The following ALOXE3 variants were observed in gnomAD, a reference collection of about 807,000 sequenced individuals.
The protein encoded by ALOXE3 is arachidonate epidermal lipoxygenase 3, also known as hydroperoxide isomerase ALOXE3.
In ALOXE3, 78 loss-of-function variants were observed where a neutral mutation model predicts 87.5. That is an observed-to-expected ratio of 0.89 (90% confidence interval 0.74 to 1.08). The LOEUF is 1.08. Ranked by LOEUF, ALOXE3 falls within the 50% of genes least tolerant of loss-of-function variation. The pLI, the probability that ALOXE3 is intolerant of heterozygous loss-of-function variation, is 0.00. For missense variants in ALOXE3, 946 were observed against 912.4 expected, an observed-to-expected ratio of 1.04 and a Z score of -0.47; for synonymous variants, 363 against 370.8, an observed-to-expected ratio of 0.98 and a Z score of 0.24.
intron 15 of ALOXE3, among the ~76,000 whole-genome samples, chr17:8,098,263 G>T (rs1483809385): frequency 8.9e-6 from 1 of 112,682 alleles, no homozygotes; most frequent in Non-Finnish European, 1.8e-5. Context: ...TTTTGAGACG[G>T]AGTCTCGCTC....
intron 15 of ALOXE3, among the ~76,000 whole-genome samples, chr17:8,102,061 A>G (rs1450550271): frequency 6.6e-6 from 1 of 152,234 alleles, no homozygotes; most frequent in Non-Finnish European, 1.5e-5. Context: ...CCAGTGATAA[A>G]GGGCTACTTG....
Position 8,096,671 on chromosome 17 carries a change from T to C in ALOXE3, c.2092A>G (p.Thr698Ala). Residue 698 changes from threonine (T) to alanine (A), a missense_variant, in exon 16 of 16, where the codon ACC becomes GCC. Transcript: ENST00000448843. ...TCAATGAGGGGAGGGTCCAGGTAGG[T>C]GTAGGGCAGTGCCAGACCCTGGTTC... is the stretch of plus-strand genomic sequence containing the variant. ...ERNQGLALPY[T>A]YLDPPLIENS... The C allele has an allele frequency of 6.5e-7, 1 of 1,535,500 alleles. No individual in the cohort carries two copies. The highest frequency in any genetic ancestry group is 9.0e-7 in the Non-Finnish European group (1 of 1,108,514).
rs113030871 is a variant in ALOXE3, at chr17:8,115,018, G to A, written c.474C>T (p.Asp158=). 1.4e-3 allele frequency: 2,259 copies of A among 1,614,090 alleles called. 4 individuals carry two copies. The highest frequency in any genetic ancestry group is 1.8e-3 in the Non-Finnish European group (2,106 of 1,179,984). Residue 158 remains aspartate (D), a synonymous_variant, in exon 5 of 16, where the codon GAC becomes GAT. Transcript: ENST00000448843. The part of the protein sequence containing the change: ...IYAPGFPCMV[D]VNSFQEMESD... ...ACTCCATCTCCTGAAAGCTGTTGAC[G>A]TCTACCATGCAGGGGAAGCCAGGGG...
At chr17:8,108,364 T>G in intron 13 of ALOXE3, 104 bp downstream of exon 13, 1 of 1,498,030 alleles carries the variant, frequency 6.7e-7, no homozygotes, top group Non-Finnish European at 9.0e-7. Context: ...ATTAATAGTA[T>G]CTACTTCAAA....
rs921235924 is a variant in ALOXE3, at chr17:8,117,782, C to A, written c.147+62G>T. 1.1e-5 allele frequency: 18 copies of A among 1,570,814 alleles called. 1 individual carries two copies. Among genetic ancestry groups the A allele is most frequent in the Admixed American group, 3.7e-5 (2 of 54,208 alleles). On this transcript the variant is annotated intron_variant, in intron 2 of 15. Transcript: ENST00000448843. ...GGATCTCAAGAGTCCAGGAGGAATA[C>A]TCCTCCCGCCTGCGGCCCCTGCCCC...
Position 8,109,246 on chromosome 17 carries a change from G to C in ALOXE3, c.1490C>G (p.Ala497Gly). 6.2e-7 allele frequency: 1 copy of C among 1,614,104 alleles called. No individual in the cohort carries two copies. Among genetic ancestry groups the C allele is most frequent in the Non-Finnish European group, 8.5e-7 (1 of 1,180,046 alleles). Residue 497 changes from alanine to glycine, a missense_variant, in exon 12 of 16, where the codon GCC becomes GGC. By Grantham distance (60) the Ala-to-Gly change is moderately conservative. Coordinates refer to ENST00000448843, the MANE Select transcript of ALOXE3 (RefSeq NM_021628.3). Reference protein sequence around the residue: ...TNFCLPDSLRARGVLAIPNYH... With the variant: ...TNFCLPDSLRGRGVLAIPNYH... ...GTTGGGGATAGCCAGGACGCCGCGG[G>C]CCCGCAGGCTGTCCGGAAGGCAGAA... is the stretch of plus-strand genomic sequence containing the variant.
rs746014197 is a variant in ALOXE3 at position 8,118,051 on chromosome 17, A to G, written c.-61T>C. ...GCCGCAGCAGCAGCCGGCCTGGAGG[A>G]GAAGAGCGGCACGCCGGACAGGGCT... On this transcript the variant is annotated 5_prime_UTR_variant, in exon 2 of 16. Transcript: ENST00000448843. The G allele has an allele frequency of 1.6e-5, 26 of 1,591,522 alleles. No homozygotes were observed. In the African/African-American group the frequency reaches 3.5e-4, roughly 21 times the overall value.
chr17:8,097,654 G>C lies in ALOXE3; in HGVS notation c.1957-848C>G, dbSNP rs115374459. Among the ~76,000 whole-genome samples, 990 of 151,536 alleles carry C rather than the reference G, an allele frequency of 6.5e-3. 12 individuals carry two copies. The highest frequency in any genetic ancestry group is 0.022 in the African/African-American group (910 of 41,268). On this transcript the variant is annotated intron_variant, in intron 15 of 15. Transcript: ENST00000448843. ...CCCTCATGATCATATCACACAACCA[G>C]CTCATCACGACAACGCAGAGGTCCA... is the stretch of plus-strand genomic sequence containing the variant.
chr17:8,107,822 A>G (rs71493764), intron 13 of ALOXE3, among the ~76,000 whole-genome samples: 1 of 2,252 alleles, frequency 4.4e-4, no homozygotes, highest in African/African-American at 1.4e-3. Context: ...AGAAAGAAAG[A>G]AAGAAAGAAA....
At chr17:8,102,802 A>G (rs1979007133) in intron 15 of ALOXE3, among the ~76,000 whole-genome samples, 1 of 152,146 alleles carries the variant, frequency 6.6e-6, no homozygotes, top group South Asian at 2.1e-4. Flanking sequence ...CTATCACTGG[A>G]CTGTAAGCTC....
At chr17:8,109,854 G>A (rs1481997673) in intron 11 of ALOXE3, 62 bp downstream of exon 11, 7 of 1,483,008 alleles carry the variant, frequency 4.7e-6, no homozygotes, top group African/African-American at 4.2e-5. Flanking sequence ...GGGCTTGGGG[G>A]CGGGTAGCGG....
In ALOXE3 at chr17:8,101,030, TG is replaced by T. The variant is rs1223162502; in HGVS notation, c.1956+2292del. Among the ~76,000 whole-genome samples, 17 of 77,858 alleles carry T rather than the reference TG, an allele frequency of 2.2e-4. 1 individual carries two copies. Among genetic ancestry groups the T allele is most frequent in the South Asian group, 6.6e-4 (1 of 1,520 alleles). 51.1% of individuals were successfully genotyped at this position (77,858 alleles called of 152,430 possible). On this transcript the variant is annotated intron_variant, in intron 15 of 15. Transcript: ENST00000448843. ...GCACGGTGCCAAGCTGCTTTTTTTTTGTTTTTTTTTTTTTGAGATGGAACTT... is the reference window on the plus strand; with the variant it reads ...GCACGGTGCCAAGCTGCTTTTTTTTTTTTTTTTTTTTTTGAGATGGAACTT...
At chr17:8,099,095 C>CAGA (rs1159218741) in intron 15 of ALOXE3, among the ~76,000 whole-genome samples, 3 of 147,692 alleles carry the variant, frequency 2.0e-5, no homozygotes, top group Non-Finnish European at 3.0e-5. Flanking sequence ...TGGGCCCAAG[C>CAGA]GGTCCTCTTG....
rs576402170 is a variant in ALOXE3, at chr17:8,109,221, G to A, written c.1515C>T (p.Asn505=). ...LRARGVLAIP[N]YHYRDDGLKI... ...TCAGGCCGTCGTCTCGGTAGTGGTA[G>A]TTGGGGATAGCCAGGACGCCGCGGG... Residue 505 remains asparagine, a synonymous_variant, in exon 12 of 16, where the codon AAC becomes AAT. Coordinates refer to ENST00000448843, the MANE Select transcript of ALOXE3 (RefSeq NM_021628.3). 6.2e-7 allele frequency: 1 copy of A among 1,614,052 alleles called. No homozygotes were observed. The highest frequency in any genetic ancestry group is 1.3e-5 in the African/African-American group (1 of 75,078).
At chr17:8,103,256 G>A (rs188381524) in intron 15 of ALOXE3, 67 bp downstream of exon 15, 3 of 1,583,490 alleles carry the variant, frequency 1.9e-6, no homozygotes, top group East Asian at 2.2e-5. Flanking sequence ...GCCCCCAGAC[G>A]AAGCCACCAC....
chr17:8,102,153 G>A (rs1978962296), intron 15 of ALOXE3, among the ~76,000 whole-genome samples: 1 of 152,142 alleles, frequency 6.6e-6, no homozygotes, highest in South Asian at 2.1e-4. Flanking sequence ...GCAGCCACAG[G>A]AGCACCCTAG....
Position 8,102,074 on chromosome 17 carries a change from T to C in ALOXE3, c.1956+1249A>G, listed in dbSNP as rs1050470579. Reference sequence around the variant, plus strand: ...AACCAGTGATAAAGGGCTACTTGCCTGGCCTAAACTCAGATATTGGCCCCT... The same window carrying C: ...AACCAGTGATAAAGGGCTACTTGCCCGGCCTAAACTCAGATATTGGCCCCT... On this transcript the variant is annotated intron_variant, in intron 15 of 15. Transcript: ENST00000448843. 2.0e-5 allele frequency among the ~76,000 whole-genome samples: 3 copies of C among 152,248 alleles called. No individual in the cohort carries two copies. In the East Asian group the frequency reaches 5.8e-4, roughly 29 times the overall value.
At chr17:8,107,839 A>C (rs565575614) in intron 13 of ALOXE3, among the ~76,000 whole-genome samples, 1 of 4,342 alleles carries the variant, frequency 2.3e-4, no homozygotes, top group South Asian at 6.3e-3. Context: ...GAAAGAAAGA[A>C]AGAAAGAAAG....
chr17:8,108,613 C>G (rs749374028), intron 12 of ALOXE3, 24 bp from the exon 13 acceptor site: 2 of 1,606,330 alleles, frequency 1.2e-6, no homozygotes, highest in Non-Finnish European at 1.7e-6. Flanking sequence ...ATGCTGGTAC[C>G]ACTGGAGTAA....
Sources: allele counts gnomAD v4.1 joint callset (sites outside exome capture counted in the v4.1 genomes callset), GRCh38; gene constraint gnomAD v4.1.1; transcripts MANE v1.5; gene names NCBI Gene and HGNC (gene_info 2026-07-23, HGNC 2026-07-21).